Variants in ELAVL2 observed in about 807,000 individuals in gnomAD.
The protein encoded by ELAVL2 is ELAV-like protein 2.
ELAVL2 carries 4 observed loss-of-function variants against 34.6 expected under a neutral mutation model. The observed-to-expected ratio is 0.12, with a 90% CI of 0.06 to 0.26. ELAVL2 has a LOEUF of 0.26. Ranked by LOEUF, ELAVL2 falls within the 10% of genes least tolerant of loss-of-function variation. ELAVL2 has a pLI of 1.00. For missense variants in ELAVL2, 432 were observed against 442.8 expected (o/e 0.98, Z 0.22); for synonymous variants, 193 against 154.8 (o/e 1.25, Z -1.83).
At chr9:23,805,283 C>T (rs2062066106) in intron 1 of ELAVL2, among the ~76,000 whole-genome samples, 3 of 152,174 alleles carry the variant, frequency 2.0e-5, no homozygotes, top group Non-Finnish European at 4.4e-5. Flanking sequence ...ACCCTCATGG[C>T]TACTAATAAA....
At chr9:23,795,357 A>C (rs148786687) in intron 1 of ELAVL2, among the ~76,000 whole-genome samples, 34 of 152,248 alleles carry the variant, frequency 2.2e-4, no homozygotes, top group African/African-American at 7.5e-4. Flanking sequence ...CAGCGTGGCC[A>C]ACATGGTAAA....
At chr9:23,763,388 C>T (rs2055502683) in intron 1 of ELAVL2, among the ~76,000 whole-genome samples, 2 of 152,070 alleles carry the variant, frequency 1.3e-5, no homozygotes, top group African/African-American at 2.4e-5. Context: ...CTTTGGACAG[C>T]CAAGACTGTG....
At chr9:23,798,442 G>A (rs770147887) in intron 1 of ELAVL2, among the ~76,000 whole-genome samples, 8 of 152,100 alleles carry the variant, frequency 5.3e-5, no homozygotes, top group African/African-American at 1.9e-4. Context: ...AAAATGGCGG[G>A]GGTGGGGAGA....
At chr9:23,756,406 C>G (rs1197401794) in intron 2 of ELAVL2, among the ~76,000 whole-genome samples, 1 of 152,084 alleles carries the variant, frequency 6.6e-6, no homozygotes, top group Non-Finnish European at 1.5e-5. Flanking sequence ...GAGGTCAGTA[C>G]AAGACCTACC....
At chr9:23,701,222 TTCTC>T (rs2037087619) in intron 5 of ELAVL2, among the ~76,000 whole-genome samples, 153 bp downstream of exon 5, 1 of 152,320 alleles carries the variant, frequency 6.6e-6, no homozygotes. Flanking sequence ...CTCAAGTAGA[TTCTC>T]TCTGTGCCCA....
intron 1 of ELAVL2, among the ~76,000 whole-genome samples, chr9:23,769,862 A>G (rs2056984106): frequency 6.6e-6 from 1 of 152,086 alleles, no homozygotes; most frequent in Non-Finnish European, 1.5e-5. Flanking sequence ...AGTCTTTCTG[A>G]GGTTTTGTAG....
At chr9:23,849,694 A>T in the ELAVL2 span, 1 of 152,392 alleles carries the variant, frequency 6.6e-6, no homozygotes, top group Non-Finnish European at 1.5e-5. Context: ...TCCCAAGAGT[A>T]TCAAACATAT....
chr9:23,838,741 A>T, the ELAVL2 span, among the ~76,000 whole-genome samples: 1 of 152,096 alleles, frequency 6.6e-6, no homozygotes, highest in Non-Finnish European at 1.5e-5. Flanking sequence ...AATCTCATAA[A>T]ATGAATCTTC....
intron 5 of ELAVL2, among the ~76,000 whole-genome samples, chr9:23,693,744 G>C (rs1245996599): frequency 2.6e-5 from 4 of 152,212 alleles, no homozygotes; most frequent in Non-Finnish European, 4.4e-5. Context: ...ACCTTTCAGA[G>C]AGGAAGTGCG....
intron 3 of ELAVL2, among the ~76,000 whole-genome samples, chr9:23,712,319 A>T (rs946306919): frequency 6.6e-6 from 1 of 152,124 alleles, no homozygotes; most frequent in Non-Finnish European, 1.5e-5. Context: ...CTTCCTGTGA[A>T]ATGACAGTGA....
chr9:23,801,046 T>C (rs2061508647), intron 1 of ELAVL2, among the ~76,000 whole-genome samples: 1 of 152,204 alleles, frequency 6.6e-6, no homozygotes, highest in African/African-American at 2.4e-5. Context: ...AATTGTGAAC[T>C]GTACAGCAAC....
the ELAVL2 span, among the ~76,000 whole-genome samples, chr9:23,840,069 G>A: frequency 6.6e-6 from 1 of 152,134 alleles, no homozygotes; most frequent in Non-Finnish European, 1.5e-5. Flanking sequence ...CTGAATTCTG[G>A]TTCTGCCTCT....
chr9:23,706,843 T>A (rs1223697994), intron 3 of ELAVL2, among the ~76,000 whole-genome samples: 1 of 152,232 alleles, frequency 6.6e-6, no homozygotes, highest in Non-Finnish European at 1.5e-5. Context: ...GTTGCCACTT[T>A]TTCTTGGCTT....
intron 1 of ELAVL2, among the ~76,000 whole-genome samples, chr9:23,781,261 C>T (rs1434527865): frequency 6.6e-6 from 1 of 152,142 alleles, no homozygotes; most frequent in Non-Finnish European, 1.5e-5. Context: ...TTCATGCTCT[C>T]CTAAAAACAC....
At chr9:23,838,290 TTATTG>T in the ELAVL2 span, among the ~76,000 whole-genome samples, 1 of 152,082 alleles carries the variant, frequency 6.6e-6, no homozygotes, top group East Asian at 1.9e-4. Context: ...AACAGGTAGT[TTATTG>T]TTTCAGAAAG....
At position 23,767,155 on chromosome 9, in the gene ELAVL2, T is replaced by G. The variant is rs564553609; in HGVS notation, c.-15-4906A>C. Among the ~76,000 whole-genome samples, 7 of 152,274 alleles carry G rather than the reference T, an allele frequency of 4.6e-5. No homozygotes were observed. In the East Asian group the frequency reaches 1.4e-3, roughly 29 times the overall value. On this transcript the variant is annotated intron_variant, in intron 1 of 6. Transcript: ENST00000397312. ...TGAAAGCGTAGGTTTTATTGGGAAA[T>G]AGAAGATTGTCTCTACTTTTATACA...
chr9:23,781,927 G>C (rs972914299), intron 1 of ELAVL2, among the ~76,000 whole-genome samples: 3 of 151,920 alleles, frequency 2.0e-5, no homozygotes, highest in Non-Finnish European at 4.4e-5. Context: ...CTCGTGAGCC[G>C]CCCGCCTCGG....
At chr9:23,827,175 C>T (rs1482586655), upstream of ELAVL2, among the ~76,000 whole-genome samples, 1 of 152,218 alleles carries the variant, frequency 6.6e-6, no homozygotes, top group East Asian at 1.9e-4. Context: ...CAGACAGGTA[C>T]AGTCCTTGGA....
chr9:23,796,773 G>A (rs576164316), intron 1 of ELAVL2, among the ~76,000 whole-genome samples: 133 of 152,166 alleles, frequency 8.7e-4, no homozygotes, highest in South Asian at 1.7e-3. Flanking sequence ...TCCCAAATAT[G>A]TAAAAGATAT....
Sources: allele counts gnomAD v4.1 joint callset (sites outside exome capture counted in the v4.1 genomes callset), GRCh38; gene constraint gnomAD v4.1.1; transcripts MANE v1.5; gene names NCBI Gene and HGNC (gene_info 2026-07-23, HGNC 2026-07-21).